The following ZNF605 variants were observed in gnomAD, a reference collection of about 807,000 sequenced individuals.
ZNF605 encodes zinc finger protein 605.
A neutral mutation model predicts 7.9 loss-of-function variants in ZNF605; 9 were observed. That is an observed-to-expected ratio of 1.14 (90% CI 0.68 to 1.98). The LOEUF (loss-of-function observed/expected upper bound fraction) is 1.98, where lower values mean the gene tolerates loss of function less well. Ranked by LOEUF, ZNF605 falls within the 30% of genes most tolerant of loss-of-function variation. The pLI is 0.00. For missense variants in ZNF605, 673 were observed against 762.4 expected, an observed-to-expected ratio of 0.88 and a Z score of 1.38; for synonymous variants, 255 against 260.1, an observed-to-expected ratio of 0.98 and a Z score of 0.19.
At chr12:132,954,832 G>A (rs2137173269) in intron 1 of ZNF605, among the ~76,000 whole-genome samples, 1 of 152,022 alleles carries the variant, frequency 6.6e-6, no homozygotes, top group Non-Finnish European at 1.5e-5. Flanking sequence ...CGTTGTCCAC[G>A]CACTCACAAC....
At chr12:132,953,048 C>T (rs1952588899) in intron 1 of ZNF605, among the ~76,000 whole-genome samples, 1 of 152,166 alleles carries the variant, frequency 6.6e-6, no homozygotes. Flanking sequence ...CCCAGTCACT[C>T]ACAGTGACCA....
At chr12:132,946,375 G>A (rs1458532836) in intron 2 of ZNF605, among the ~76,000 whole-genome samples, 9 of 152,360 alleles carry the variant, frequency 5.9e-5, no homozygotes, top group South Asian at 4.1e-4. Flanking sequence ...CTGGGCAGAC[G>A]CAGGCTGGGG....
At chr12:132,936,991 AT>A (rs1952373365) in intron 3 of ZNF605, among the ~76,000 whole-genome samples, 1 of 152,242 alleles carries the variant, frequency 6.6e-6, no homozygotes, top group African/African-American at 2.4e-5. Context: ...TATCCAGGAT[AT>A]AAAGAACTCT....
chr12:132,933,240 C>G lies in ZNF605; in HGVS notation c.16-85G>C. On this transcript the variant is annotated intron_variant, in intron 3 of 4. Coordinates refer to ENST00000360187, the MANE Select transcript of ZNF605 (RefSeq NM_183238.4). The surrounding 1 kb of genome is among the most constrained non-coding windows in gnomAD (Gnocchi z 4.4). The stretch of plus-strand genomic sequence containing the variant: ...TTTCTTCTGTATTTGTGGTAGGTGG[C>G]CTCTAAGATGGCCCCAGTGACCTCT... 1.4e-6 allele frequency: 2 copies of G among 1,467,570 alleles called. No homozygotes were observed. Among genetic ancestry groups the G allele is most frequent in the Non-Finnish European group, 1.8e-6 (2 of 1,095,038 alleles). 90.9% of individuals were successfully genotyped at this position (1,467,570 alleles called of 1,614,324 possible). A position where few individuals can be genotyped will look rare whatever the true frequency, so the allele number is the denominator to read the frequency against.
intron 1 of ZNF605, among the ~76,000 whole-genome samples, chr12:132,951,562 A>G (rs1185213888): frequency 7.3e-6 from 1 of 137,178 alleles, no homozygotes. Context: ...ACACTGATGC[A>G]CACGTATACC....
chr12:132,954,541 G>T (rs11147178), intron 1 of ZNF605, among the ~76,000 whole-genome samples: 86,004 of 144,000 alleles, frequency 0.6, 27,088 homozygotes, highest in African/African-American at 0.79. Flanking sequence ...GCCCAAGTCA[G>T]GCGCTCACAG....
Position 132,933,251 on chromosome 12 carries a change from GC to G in ZNF605, c.16-97del. The G allele has an allele frequency of 7.2e-7, 1 of 1,397,014 alleles. No individual in the cohort carries two copies. The highest frequency in any genetic ancestry group is 9.6e-7 in the Non-Finnish European group (1 of 1,038,892). The allele number at this position is 1,397,014 out of a possible 1,614,324, so 86.5% of individuals were successfully genotyped here. Reference sequence around the variant, plus strand: ...TTTGTGGTAGGTGGCCTCTAAGATGGCCCCAGTGACCTCTGACTCCGGTATT... The same window carrying G: ...TTTGTGGTAGGTGGCCTCTAAGATGGCCCAGTGACCTCTGACTCCGGTATT... On this transcript the variant is annotated intron_variant, in intron 3 of 4. Transcript: ENST00000360187. This position sits in a 1 kb window ranked among gnomAD's most constrained non-coding sequence, Gnocchi z 4.4.
At position 132,921,625 on chromosome 12, in the gene ZNF605, T is replaced by C. The variant is rs1233018110; in HGVS notation, c.*3748A>G. On this transcript the variant is annotated 3_prime_UTR_variant, in exon 5 of 5. Coordinates refer to ENST00000360187, the MANE Select transcript of ZNF605 (RefSeq NM_183238.4). ...ATCAGAGCAGAGTGATACACAAGTT[T>C]ATTAACACAGACTACAACGTCAATG... 6.6e-6 allele frequency: 1 copy of C among 152,238 alleles called. No individual in the cohort carries two copies. The highest frequency in any genetic ancestry group is 1.9e-4 in the East Asian group (1 of 5,202). 9.4% of individuals were successfully genotyped at this position (152,238 alleles called of 1,614,324 possible). A position where few individuals can be genotyped will look rare whatever the true frequency, so the allele number is the denominator to read the frequency against.
chr12:132,926,696 C>T lies in ZNF605; in HGVS notation c.603G>A (p.Glu201=). The change falls in exon 5 of 5, where the codon GAG becomes GAA. Residue 201 remains glutamate (E), a synonymous_variant. Transcript: ENST00000360187. ...HTGEKPYQCS[E]CGKAFSQKSL... The stretch of plus-strand genomic sequence containing the variant: ...ACTTCTGTGAAAAGGCTTTTCCACA[C>T]TCACTGCATTGATAGGGCTTCTCTC... The T allele has an allele frequency of 2.5e-6, 4 of 1,613,758 alleles. No individual in the cohort carries two copies. Among genetic ancestry groups the T allele is most frequent in the Non-Finnish European group, 3.4e-6 (4 of 1,179,906 alleles).
Position 132,925,230 on chromosome 12 carries a change from G to T in ZNF605, c.*143C>A. On this transcript the variant is annotated 3_prime_UTR_variant, in exon 5 of 5. Coordinates refer to ENST00000360187, the MANE Select transcript of ZNF605 (RefSeq NM_183238.4). ...TTAAAAACTTCTCTTTCTAAATTCT[G>T]CTTAGTGACTCTTGACTCCTCAATT... 1.7e-6 allele frequency: 1 copy of T among 579,874 alleles called. No homozygotes were observed. The highest frequency in any genetic ancestry group is 2.8e-5 in the South Asian group (1 of 35,334). The allele number at this position is 579,874 out of a possible 1,614,324, so 35.9% of individuals were successfully genotyped here.
rs1037602624 is a variant in ZNF605, at chr12:132,922,976, A to T, written c.*2397T>A. The stretch of plus-strand genomic sequence containing the variant: ...CAGAGCAGAAAATGGGGGAAAAGGG[A>T]TCAAAGAAATAGGGAATACTCAGCA... On this transcript the variant is annotated 3_prime_UTR_variant, in exon 5 of 5. Transcript: ENST00000360187. The T allele has an allele frequency of 6.6e-6, 1 of 152,382 alleles. No individual in the cohort carries two copies. Among genetic ancestry groups the T allele is most frequent in the Non-Finnish European group, 1.5e-5 (1 of 68,174 alleles). The allele number at this position is 152,382 out of a possible 1,614,324, so 9.4% of individuals were successfully genotyped here.
chr12:132,942,838 C>T (rs903782845), intron 3 of ZNF605, among the ~76,000 whole-genome samples: 1 of 152,212 alleles, frequency 6.6e-6, no homozygotes, highest in Non-Finnish European at 1.5e-5. Flanking sequence ...TCTTTCCTGG[C>T]ATGGCAACTG....
chr12:132,954,414 TGAGAAGGATGGGGGAG>T (rs1952610892), intron 1 of ZNF605, among the ~76,000 whole-genome samples: 3 of 802 alleles, frequency 3.7e-3, no homozygotes, highest in African/African-American at 5.2e-3. Flanking sequence ...GGGGAGGGGA[TGAGAAGGATGGGGGAG>T]GAGAAGGGTA....
At chr12:132,954,424 G>GGGGA (rs1555280753) in intron 1 of ZNF605, among the ~76,000 whole-genome samples, 5 of 43,684 alleles carry the variant, frequency 1.1e-4, no homozygotes, top group African/African-American at 5.7e-4. Context: ...TGAGAAGGAT[G>GGGGA]GGGGAGGAGA....
chr12:132,945,889 A>T (rs1952490303), intron 2 of ZNF605, 92 bp from the exon 3 acceptor site: 1 of 615,518 alleles, frequency 1.6e-6, no homozygotes, highest in Admixed American at 2.9e-5. Context: ...CAGATTATTT[A>T]AAGTCTCGAA....
intron 1 of ZNF605, among the ~76,000 whole-genome samples, chr12:132,949,613 C>T (rs969797038): frequency 6.6e-6 from 1 of 152,096 alleles, no homozygotes; most frequent in African/African-American, 2.4e-5. Flanking sequence ...GTAGCTCGCG[C>T]CTGGCATTGG....
At position 132,945,601 on chromosome 12, in the gene ZNF605, A is replaced by G. The variant is rs1050020670; in HGVS notation, c.15+20T>C. On this transcript the variant is annotated intron_variant, in intron 3 of 4. Transcript: ENST00000360187. ...TGACTGGATCATTTTCATGAAACAG[A>G]GGATAAACCGATAACCCACCTGTGA... 3.1e-6 allele frequency: 5 copies of G among 1,611,982 alleles called. No homozygotes were observed. In the Admixed American group the frequency reaches 8.4e-5, roughly 27 times the overall value.
At chr12:132,930,821 G>C (rs1952300695) in intron 4 of ZNF605, among the ~76,000 whole-genome samples, 1 of 152,120 alleles carries the variant, frequency 6.6e-6, no homozygotes, top group South Asian at 2.1e-4. Context: ...AAACAACAAT[G>C]GGAATGGTGC....
Position 132,937,500 on chromosome 12 carries a change from A to AAC in ZNF605, c.16-4347_16-4346dup, listed in dbSNP as rs1343426249. Among the ~76,000 whole-genome samples, 438 of 151,588 alleles carry AAC rather than the reference A, an allele frequency of 2.9e-3. 1 individual carries two copies. Among genetic ancestry groups the AAC allele is most frequent in the Non-Finnish European group, 4.9e-3 (329 of 67,796 alleles). On this transcript the variant is annotated intron_variant, in intron 3 of 4. Transcript: ENST00000360187. ...TGTACTTATTAGAAGGCTAAAACTA[A>AAC]ACACACACACACACAGACACACACA...
Sources: allele counts gnomAD v4.1 joint callset (sites outside exome capture counted in the v4.1 genomes callset), GRCh38; gene constraint gnomAD v4.1.1; non-coding constraint Gnocchi (gnomAD v3.1); transcripts MANE v1.5; gene names NCBI Gene and HGNC (gene_info 2026-07-23, HGNC 2026-07-21).